Variants in SPATA16 observed in about 807,000 individuals in gnomAD.
SPATA16 encodes spermatogenesis associated 16, also known as spermatogenesis-associated protein 16.
SPATA16 carries 36 observed loss-of-function variants against 63.3 expected under a neutral mutation model. The ratio of observed to expected loss-of-function variants is 0.57; its 90% CI spans 0.44 to 0.75. The LOEUF is 0.75. SPATA16 is among the 30% of genes least tolerant of loss of function. SPATA16 has a pLI of 0.00. For missense variants in SPATA16, 646 were observed against 679.3 expected, an observed-to-expected ratio of 0.95 and a Z score of 0.54; for synonymous variants, 203 against 216.7, an observed-to-expected ratio of 0.94 and a Z score of 0.56.
At chr3:173,073,413 G>A (rs1028623055) in intron 2 of SPATA16, among the ~76,000 whole-genome samples, 5 of 152,210 alleles carry the variant, frequency 3.3e-5, no homozygotes, top group Admixed American at 6.5e-5. Context: ...AGGAAAAATG[G>A]TTTTATGGGC....
chr3:173,122,067 A>T (rs961076029), intron 1 of SPATA16, among the ~76,000 whole-genome samples: 12 of 152,222 alleles, frequency 7.9e-5, no homozygotes, highest in Non-Finnish European at 1.6e-4. Context: ...TTCTATAAAA[A>T]TGCTCATTCT....
At chr3:172,960,667 G>A (rs929331794) in intron 5 of SPATA16, among the ~76,000 whole-genome samples, 4 of 152,042 alleles carry the variant, frequency 2.6e-5, no homozygotes, top group Non-Finnish European at 4.4e-5. Flanking sequence ...GAGATATTCC[G>A]TCAAGAGGAA....
intron 5 of SPATA16, among the ~76,000 whole-genome samples, chr3:172,970,387 G>C (rs1421307109): frequency 6.6e-6 from 1 of 152,032 alleles, no homozygotes; most frequent in Non-Finnish European, 1.5e-5. Context: ...AGAAGACTAA[G>C]AAAGCTCAAA....
At chr3:173,071,253 T>C (rs1460907375) in intron 2 of SPATA16, among the ~76,000 whole-genome samples, 2 of 152,124 alleles carry the variant, frequency 1.3e-5, no homozygotes, top group African/African-American at 4.8e-5. Context: ...AAACTAGATA[T>C]CCATATGCAA....
intron 1 of SPATA16, among the ~76,000 whole-genome samples, chr3:173,120,678 G>C (rs1738039073): frequency 2.0e-5 from 3 of 152,046 alleles, no homozygotes; most frequent in Admixed American, 6.5e-5. Flanking sequence ...ATTTCTTCTA[G>C]AGCATAATTG....
chr3:173,034,149 A>G (rs1204824304), intron 3 of SPATA16, among the ~76,000 whole-genome samples: 3 of 152,202 alleles, frequency 2.0e-5, no homozygotes, highest in African/African-American at 7.2e-5. Context: ...TTTAAAGAAA[A>G]GAGCCAGAAA....
At chr3:173,019,627 T>C in intron 3 of SPATA16, 52 bp from the exon 4 acceptor site, 2 of 1,491,102 alleles carry the variant, frequency 1.3e-6, no homozygotes, top group Admixed American at 1.7e-5. Context: ...AAAAGACAAT[T>C]ACCACAAGTG....
At chr3:173,015,606 A>G (rs1735164079) in intron 4 of SPATA16, among the ~76,000 whole-genome samples, 1 of 152,204 alleles carries the variant, frequency 6.6e-6, no homozygotes, top group Non-Finnish European at 1.5e-5. Context: ...TTTATGTAAT[A>G]TCTTATTGAT....
chr3:173,029,523 G>A (rs1350406238), intron 3 of SPATA16, among the ~76,000 whole-genome samples: 1 of 151,574 alleles, frequency 6.6e-6, no homozygotes, highest in Non-Finnish European at 1.5e-5. Flanking sequence ...ACATGCACTA[G>A]GTTGTACCAC....
chr3:173,016,576 G>T (rs1218575292), intron 4 of SPATA16, among the ~76,000 whole-genome samples: 1 of 152,150 alleles, frequency 6.6e-6, no homozygotes, highest in African/African-American at 2.4e-5. Context: ...TGTGGTAGGT[G>T]CCTCTCAATC....
At chr3:173,051,453 T>C (rs1398430860) in intron 2 of SPATA16, among the ~76,000 whole-genome samples, 6 of 152,240 alleles carry the variant, frequency 3.9e-5, no homozygotes, top group Admixed American at 2.0e-4. Flanking sequence ...CCACCCACCT[T>C]GGCCTCCAAA....
intron 3 of SPATA16, among the ~76,000 whole-genome samples, chr3:173,026,186 A>T: frequency 6.6e-6 from 1 of 151,970 alleles, no homozygotes; most frequent in Non-Finnish European, 1.5e-5. Flanking sequence ...CCTAGTAACT[A>T]AAGATGTTGA....
chr3:172,894,707 C>T (rs536263024), intron 10 of SPATA16, among the ~76,000 whole-genome samples: 1 of 152,142 alleles, frequency 6.6e-6, no homozygotes, highest in Non-Finnish European at 1.5e-5. Context: ...AATGTAAGAT[C>T]TTTGGGAGGC....
intron 4 of SPATA16, among the ~76,000 whole-genome samples, chr3:173,018,695 T>C (rs1192093317): frequency 6.6e-6 from 1 of 152,186 alleles, no homozygotes; most frequent in African/African-American, 2.4e-5. Context: ...TCCTGCAGAT[T>C]TATCCTTAGA....
chr3:172,945,651 G>A (rs1001940690), intron 6 of SPATA16, among the ~76,000 whole-genome samples: 1 of 152,138 alleles, frequency 6.6e-6, no homozygotes, highest in Non-Finnish European at 1.5e-5. Context: ...AAAGCAACAT[G>A]GGGGCAGAAC....
chr3:172,948,021 T>C (rs80034283), intron 6 of SPATA16, among the ~76,000 whole-genome samples: 16,249 of 151,986 alleles, frequency 0.11, 2,917 homozygotes, highest in African/African-American at 0.37. Context: ...ATAAGAGTTA[T>C]TGGCTTTAAA....
At chr3:173,099,368 CTT>C (rs774328895) in intron 2 of SPATA16, among the ~76,000 whole-genome samples, 8 of 152,080 alleles carry the variant, frequency 5.3e-5, no homozygotes, top group Non-Finnish European at 1.0e-4. Context: ...TTGTTAATCT[CTT>C]GTGTCTAACT....
chr3:172,969,349 G>C (rs893622588), intron 5 of SPATA16, among the ~76,000 whole-genome samples: 7 of 152,272 alleles, frequency 4.6e-5, no homozygotes, highest in Admixed American at 4.6e-4. Flanking sequence ...AGGATCACCT[G>C]TGCAGGTCAT....
chr3:173,087,085 T>C (rs1032963108), intron 2 of SPATA16, among the ~76,000 whole-genome samples: 1 of 152,130 alleles, frequency 6.6e-6, no homozygotes, highest in Non-Finnish European at 1.5e-5. Flanking sequence ...AATATCATTG[T>C]TAATTTTCTG....
Sources: allele counts gnomAD v4.1 joint callset (sites outside exome capture counted in the v4.1 genomes callset), GRCh38; gene constraint gnomAD v4.1.1; transcripts MANE v1.5; gene names NCBI Gene and HGNC (gene_info 2026-07-23, HGNC 2026-07-21).